Variants in TSPEAR observed in about 807,000 individuals in gnomAD.
TSPEAR encodes thrombospondin type laminin G domain and EAR repeats.
TSPEAR carries 69 observed loss-of-function variants against 71.6 expected under a neutral mutation model. The ratio of observed to expected loss-of-function variants is 0.96; its 90% confidence interval spans 0.79 to 1.18. The LOEUF (loss-of-function observed/expected upper bound fraction) is 1.18, where lower values mean the gene tolerates loss of function less well. Among genes scored for constraint, TSPEAR ranks in the 50% most tolerant of loss-of-function variants. The probability of loss-of-function intolerance (pLI) is 0.00; values close to 1 mark genes in which losing one functional copy is unlikely to be tolerated. For synonymous variants in TSPEAR, 402 were observed against 387.2 expected (o/e 1.04, Z -0.45); for missense variants, 971 against 894.9 (o/e 1.09, Z -1.09).
intron 10 of TSPEAR, among the ~76,000 whole-genome samples, chr21:44,505,585 C>A (rs1037122251): frequency 7.9e-5 from 5 of 63,666 alleles, no homozygotes; most frequent in Non-Finnish European, 8.2e-5. Flanking sequence ...CCCCCCCCCC[C>A]AGCCCCGGCA....
chr21:44,559,001 A>G (rs1555920567), intron 2 of TSPEAR, among the ~76,000 whole-genome samples: 1 of 152,142 alleles, frequency 6.6e-6, no homozygotes, highest in East Asian at 1.9e-4. Flanking sequence ...GTCCACAGAG[A>G]TAAACTAGTA....
chr21:44,611,958 G>T (rs1408946750), intron 1 of TSPEAR: 18 of 866,864 alleles, frequency 2.1e-5, no homozygotes, highest in Non-Finnish European at 9.0e-6. Context: ...TGGAGGCAAA[G>T]TCTCAGCCAC....
chr21:44,708,555 G>C (rs1353507884), intron 1 of TSPEAR, among the ~76,000 whole-genome samples: 1 of 152,176 alleles, frequency 6.6e-6, no homozygotes, highest in Non-Finnish European at 1.5e-5. Flanking sequence ...ACACCCCAGT[G>C]ATCTTTTAAG....
At chr21:44,680,984 C>T (rs1446107200) in intron 1 of TSPEAR, among the ~76,000 whole-genome samples, 1 of 152,118 alleles carries the variant, frequency 6.6e-6, no homozygotes, top group Non-Finnish European at 1.5e-5. Flanking sequence ...TATTGTATGT[C>T]TCAAATCAGC....
At chr21:44,696,860 A>ACGCT (rs200452574) in intron 1 of TSPEAR, among the ~76,000 whole-genome samples, 4,318 of 152,272 alleles carry the variant, frequency 0.028, 69 homozygotes, top group Non-Finnish European at 0.041. Flanking sequence ...GAGCTAAGCT[A>ACGCT]CGCTACACGG....
chr21:44,552,643 G>A (rs960443908), intron 2 of TSPEAR, among the ~76,000 whole-genome samples: 2 of 152,174 alleles, frequency 1.3e-5, no homozygotes, highest in East Asian at 1.9e-4. Flanking sequence ...TCTGTTATTC[G>A]CAGGTGACAC....
rs1988159755 is a variant in TSPEAR, at chr21:44,710,422, C to G, written c.82+1011G>C. ...GGCAGGCACGTTTATGACCCCCACC[C>G]CCACCCCCACCCCCCACGCGAGTCA... On this transcript the variant is annotated intron_variant, in intron 1 of 11. Coordinates refer to ENST00000323084, the MANE Select transcript of TSPEAR (RefSeq NM_144991.3). This position sits in a 1 kb window ranked among gnomAD's most constrained non-coding sequence, Gnocchi z 4.6. 6.6e-6 allele frequency among the ~76,000 whole-genome samples: 1 copy of G among 151,824 alleles called. No homozygotes were observed. Among genetic ancestry groups the G allele is most frequent in the Admixed American group, 6.6e-5 (1 of 15,266 alleles).
intron 1 of TSPEAR, chr21:44,646,600 A>C (rs1384128700): frequency 1.2e-6 from 2 of 1,612,052 alleles, no homozygotes; most frequent in African/African-American, 2.7e-5. Flanking sequence ...CCTGGTCTGC[A>C]CCCCAGTGAG....
chr21:44,500,321 G>T (rs1373481257), intron 11 of TSPEAR, among the ~76,000 whole-genome samples: 1 of 152,136 alleles, frequency 6.6e-6, no homozygotes, highest in Admixed American at 6.5e-5. Flanking sequence ...GAACCCCTCC[G>T]TCCTCAGATA....
chr21:44,594,540 G>A (rs1216751742), intron 1 of TSPEAR, among the ~76,000 whole-genome samples: 1 of 152,190 alleles, frequency 6.6e-6, no homozygotes, highest in South Asian at 2.1e-4. Context: ...GGATTTGGAC[G>A]GGTCAGTGTG....
chr21:44,698,103 G>T, intron 1 of TSPEAR: 1 of 876,700 alleles, frequency 1.1e-6, no homozygotes, highest in Non-Finnish European at 1.7e-6. Flanking sequence ...AAGCCCTGGG[G>T]GCTCCTGCTA....
chr21:44,697,910 C>A, intron 1 of TSPEAR: 1 of 1,612,530 alleles, frequency 6.2e-7, no homozygotes, highest in East Asian at 2.2e-5. Flanking sequence ...CCTCCTCTGC[C>A]GCCCCACATG....
At chr21:44,597,931 CCTGT>C (rs1555927832) in intron 1 of TSPEAR, among the ~76,000 whole-genome samples, 3 of 152,248 alleles carry the variant, frequency 2.0e-5, no homozygotes, top group South Asian at 2.1e-4. Context: ...AAAATCACTT[CCTGT>C]CTATTTTGGA....
chr21:44,698,658 T>C (rs1381271824), intron 1 of TSPEAR, among the ~76,000 whole-genome samples: 1 of 152,166 alleles, frequency 6.6e-6, no homozygotes, highest in Admixed American at 6.5e-5. Context: ...ACAGAGAGGA[T>C]GGCTCGCTCC....
At chr21:44,632,855 GAAGAA>G (rs1164309487) in intron 1 of TSPEAR, among the ~76,000 whole-genome samples, 1 of 152,102 alleles carries the variant, frequency 6.6e-6, no homozygotes, top group East Asian at 1.9e-4. Context: ...AAAAGAAAAA[GAAGAA>G]AAGAAATAAA....
intron 11 of TSPEAR, among the ~76,000 whole-genome samples, chr21:44,503,720 C>CG (rs1256746216): frequency 6.5e-5 from 5 of 76,536 alleles, no homozygotes; most frequent in South Asian, 4.7e-4. Context: ...GAGCCCTCGG[C>CG]GGGAAGCAAG....
At chr21:44,575,822 G>A (rs79711245) in intron 1 of TSPEAR, among the ~76,000 whole-genome samples, 5 of 152,158 alleles carry the variant, frequency 3.3e-5, no homozygotes, top group African/African-American at 9.7e-5. Flanking sequence ...TTGGAATTGG[G>A]TCTCTGTCGC....
At chr21:44,535,654 C>T (rs1374837315) in intron 2 of TSPEAR, among the ~76,000 whole-genome samples, 1 of 152,180 alleles carries the variant, frequency 6.6e-6, no homozygotes, top group East Asian at 1.9e-4. Flanking sequence ...GCAACCTCTG[C>T]CTCCCAGGTT....
chr21:44,651,310 C>T (rs1378044915), intron 1 of TSPEAR, among the ~76,000 whole-genome samples: 5 of 152,130 alleles, frequency 3.3e-5, no homozygotes, highest in African/African-American at 1.2e-4. Flanking sequence ...CTGGCAAGAC[C>T]ACGCAGTGTG....
Sources: gnomAD v4.1 joint callset for allele counts (sites outside exome capture counted in the v4.1 genomes callset) on GRCh38, gnomAD v4.1.1 for gene constraint, Gnocchi (gnomAD v3.1) non-coding constraint, MANE v1.5 for transcripts, NCBI Gene and HGNC (gene_info 2026-07-23, HGNC 2026-07-21) for gene names.